The following TTC7B variants were observed in gnomAD, a reference collection of about 807,000 sequenced individuals.
The protein encoded by TTC7B is tetratricopeptide repeat protein 7B.
Under a neutral mutation model 106.8 loss-of-function variants are expected in TTC7B, and 28 were observed. The ratio of observed to expected loss-of-function variants is 0.26; its 90% CI spans 0.19 to 0.36. The LOEUF is 0.36. Ranked by LOEUF, TTC7B falls within the 10% of genes least tolerant of loss-of-function variation. The pLI is 1.00. For synonymous variants in TTC7B, 405 were observed against 430.6 expected (o/e 0.94, Z 0.74); for missense variants, 862 against 1,076.4 (o/e 0.80, Z 2.79).
At position 90,610,329 on chromosome 14, in the gene TTC7B, T is replaced by G. The variant is rs1286457; in HGVS notation, c.1966+413A>C. Among the ~76,000 whole-genome samples the G allele has an allele frequency of 5.0e-3, 756 of 152,360 alleles. 4 individuals carry two copies. Among genetic ancestry groups the G allele is most frequent in the African/African-American group, 0.017 (687 of 41,588 alleles). ...GGACAGTGGAACCCACCTGCCACCC[T>G]ACGGGGTCTTGTGCTGGGTGTATGT... On this transcript the variant is annotated intron_variant, in intron 17 of 19. Coordinates refer to ENST00000328459, the MANE Select transcript of TTC7B (RefSeq NM_001010854.2).
chr14:90,604,437 C>T (rs777029593), intron 17 of TTC7B, among the ~76,000 whole-genome samples: 9 of 152,108 alleles, frequency 5.9e-5, no homozygotes, highest in South Asian at 2.1e-4. Context: ...CAGATAAGTA[C>T]GGTCAGCGGG....
intron 15 of TTC7B, among the ~76,000 whole-genome samples, chr14:90,631,408 A>AT (rs752394881): frequency 0.066 from 8,828 of 133,600 alleles, 324 homozygotes; most frequent in Middle Eastern, 0.1. Flanking sequence ...GTCTGCACCA[A>AT]TTTTTTTTTT....
chr14:90,547,590 G>A (rs1448978441), intron 19 of TTC7B, among the ~76,000 whole-genome samples: 2 of 152,244 alleles, frequency 1.3e-5, no homozygotes, highest in African/African-American at 2.4e-5. Context: ...GAGCCTGGGA[G>A]TTCGAGACCG....
intron 3 of TTC7B, among the ~76,000 whole-genome samples, chr14:90,756,384 G>GTT (rs369068692): frequency 1.2e-3 from 158 of 126,774 alleles, no homozygotes; most frequent in Middle Eastern, 3.8e-3. Context: ...TTTTTTTTTT[G>GTT]TTTTTTTTTT....
At chr14:90,625,492 A>G (rs927708195) in intron 15 of TTC7B, among the ~76,000 whole-genome samples, 51 of 152,306 alleles carry the variant, frequency 3.3e-4, no homozygotes, top group Admixed American at 2.2e-3. Flanking sequence ...AAGCACCCCA[A>G]TCTCAGAAGG....
In TTC7B at chr14:90,575,318, A is replaced by G. The variant is rs1264625250; in HGVS notation, c.2310+2788T>C. ...GGAAAATGAGGCACCAAGAGGGTGA[A>G]TAACCTGTCCAAGGCCCCACAGCGA... On this transcript the variant is annotated intron_variant, in intron 19 of 19. Transcript: ENST00000328459. This position sits in a 1 kb window ranked among gnomAD's most constrained non-coding sequence, Gnocchi z 5.2. 6.6e-6 allele frequency among the ~76,000 whole-genome samples: 1 copy of G among 152,248 alleles called. No individual in the cohort carries two copies. The highest frequency in any genetic ancestry group is 1.5e-5 in the Non-Finnish European group (1 of 68,046).
intron 6 of TTC7B, among the ~76,000 whole-genome samples, chr14:90,694,700 A>T (rs975073303): frequency 1.4e-5 from 2 of 142,412 alleles, no homozygotes; most frequent in Admixed American, 7.1e-5. Context: ...TATAAAATAT[A>T]TTTTATTTTA....
At chr14:90,604,792 C>T (rs1230762739) in intron 17 of TTC7B, among the ~76,000 whole-genome samples, 1 of 152,188 alleles carries the variant, frequency 6.6e-6, no homozygotes, top group African/African-American at 2.4e-5. Context: ...CATTTTCACA[C>T]AGGGATCTTT....
chr14:90,575,958 A>C lies in TTC7B; in HGVS notation c.2310+2148T>G, dbSNP rs1243556535. Among the ~76,000 whole-genome samples, 3 of 152,110 alleles carry C rather than the reference A, an allele frequency of 2.0e-5. No individual in the cohort carries two copies. The highest frequency in any genetic ancestry group is 2.9e-5 in the Non-Finnish European group (2 of 68,032). On this transcript the variant is annotated intron_variant, in intron 19 of 19. Transcript: ENST00000328459. This position sits in a 1 kb window ranked among gnomAD's most constrained non-coding sequence, Gnocchi z 5.2. ...CTCAGTCATTGCCGATGGACCCAGCAGGCGGGGCTCACCATGGCCCTAGTC... is the reference window on the plus strand; with the variant it reads ...CTCAGTCATTGCCGATGGACCCAGCCGGCGGGGCTCACCATGGCCCTAGTC...
chr14:90,640,479 G>A (rs1885127180), intron 15 of TTC7B, among the ~76,000 whole-genome samples: 1 of 152,074 alleles, frequency 6.6e-6, no homozygotes, highest in African/African-American at 2.4e-5. Context: ...ATACGTGTAA[G>A]TATATATGTA....
intron 5 of TTC7B, among the ~76,000 whole-genome samples, chr14:90,703,582 G>T (rs529380152): frequency 1.1e-4 from 16 of 151,946 alleles, no homozygotes; most frequent in African/African-American, 2.7e-4. Context: ...TCATTTGAAA[G>T]AAAGGGAAAA....
intron 16 of TTC7B, among the ~76,000 whole-genome samples, chr14:90,612,002 C>T (rs1333416685): frequency 6.6e-6 from 1 of 152,158 alleles, no homozygotes; most frequent in African/African-American, 2.4e-5. Flanking sequence ...TAAGGAGACA[C>T]AATTTCCTTC....
chr14:90,654,880 G>T, intron 12 of TTC7B, 113 bp downstream of exon 12: 1 of 825,102 alleles, frequency 1.2e-6, no homozygotes, highest in Non-Finnish European at 2.0e-6. Context: ...ACACCAGAAT[G>T]CCCCAGCTTC....
At chr14:90,709,021 A>C (rs2139964309) in intron 5 of TTC7B, among the ~76,000 whole-genome samples, 1 of 151,618 alleles carries the variant, frequency 6.6e-6, no homozygotes, top group South Asian at 2.1e-4. Flanking sequence ...GCGATCATTA[A>C]AAAGTCAGGA....
At position 90,768,354 on chromosome 14, in the gene TTC7B, G is replaced by A. The variant is rs577044501; in HGVS notation, c.445+12384C>T. On this transcript the variant is annotated intron_variant, in intron 3 of 19. Coordinates refer to ENST00000328459, the MANE Select transcript of TTC7B (RefSeq NM_001010854.2). ...GCAGCCACCTTCTTTACAAGGCAGT[G>A]GGGGAGAGAGAGAGAGAGAGTGAAG... Among the ~76,000 whole-genome samples the A allele has an allele frequency of 3.3e-5, 5 of 152,240 alleles. No homozygotes were observed. The East Asian group carries it at 5.8e-4, about 18-fold the overall frequency.
intron 9 of TTC7B, among the ~76,000 whole-genome samples, chr14:90,660,417 A>AAAAAAAAAAAAAAAAAAAAAGAAAAG (rs1555386791): frequency 8.4e-6 from 1 of 119,426 alleles, no homozygotes; most frequent in African/African-American, 3.7e-5. Context: ...AAAAAAAAAA[A>AAAAAAAAAAAAAAAAAAAAAGAAAAG]AAAAGAAAAG....
intron 5 of TTC7B, among the ~76,000 whole-genome samples, chr14:90,718,693 C>T (rs191473040): frequency 9.2e-4 from 140 of 152,074 alleles, no homozygotes; most frequent in Admixed American, 2.0e-3. Flanking sequence ...CTTTTACAGA[C>T]AATATGCAAC....
intron 19 of TTC7B, among the ~76,000 whole-genome samples, chr14:90,565,269 A>G (rs1309192625): frequency 2.6e-5 from 4 of 152,186 alleles, no homozygotes; most frequent in Admixed American, 1.3e-4. Flanking sequence ...ATTCACTGGA[A>G]TAGCACTTTT....
chr14:90,591,523 T>A (rs556762463), intron 18 of TTC7B, among the ~76,000 whole-genome samples: 38 of 152,286 alleles, frequency 2.5e-4, no homozygotes, highest in African/African-American at 8.4e-4. Flanking sequence ...TCTCCTGGAA[T>A]ATGTTGACTT....
Sources: gnomAD v4.1 joint callset for allele counts (sites outside exome capture counted in the v4.1 genomes callset) on GRCh38, gnomAD v4.1.1 for gene constraint, Gnocchi (gnomAD v3.1) non-coding constraint, MANE v1.5 for transcripts, NCBI Gene and HGNC (gene_info 2026-07-23, HGNC 2026-07-21) for gene names.